The following KCTD8 variants were observed in gnomAD, a reference collection of about 807,000 sequenced individuals.
The protein encoded by KCTD8 is potassium channel tetramerization domain containing 8, also known as BTB/POZ domain-containing protein KCTD8.
A neutral mutation model predicts 31.5 loss-of-function variants in KCTD8; 27 were observed. The ratio of observed to expected loss-of-function variants is 0.86; its 90% CI spans 0.63 to 1.18. The LOEUF is 1.18. Among genes scored for constraint, KCTD8 ranks in the 50% most tolerant of loss-of-function variants. The pLI is 0.00. For missense variants in KCTD8, 658 were observed against 647.7 expected (o/e 1.02, Z -0.17); for synonymous variants, 290 against 280.0 (o/e 1.04, Z -0.36).
chr4:44,245,661 T>C (rs1042993711), intron 1 of KCTD8, among the ~76,000 whole-genome samples: 2 of 151,996 alleles, frequency 1.3e-5, no homozygotes, highest in Admixed American at 1.3e-4. Context: ...ATTAAAAGTG[T>C]AGTCTAATCA....
chr4:44,245,007 C>G (rs1250174759), intron 1 of KCTD8, among the ~76,000 whole-genome samples: 4 of 152,156 alleles, frequency 2.6e-5, no homozygotes, highest in Non-Finnish European at 5.9e-5. Flanking sequence ...CTGCACAACA[C>G]ATTTTTAAGC....
At chr4:44,206,451 A>G (rs1714309091) in intron 1 of KCTD8, among the ~76,000 whole-genome samples, 1 of 152,156 alleles carries the variant, frequency 6.6e-6, no homozygotes, top group Non-Finnish European at 1.5e-5. Context: ...GTGGCACTCA[A>G]GATGAAGCTT....
chr4:44,209,548 C>G (rs1577832095), intron 1 of KCTD8, among the ~76,000 whole-genome samples: 1 of 151,506 alleles, frequency 6.6e-6, no homozygotes, highest in South Asian at 2.1e-4. Context: ...CACACCCCCA[C>G]CCACATACAC....
At chr4:44,439,565 G>A (rs1315043181) in intron 1 of KCTD8, among the ~76,000 whole-genome samples, 1 of 152,110 alleles carries the variant, frequency 6.6e-6, no homozygotes, top group Non-Finnish European at 1.5e-5. Context: ...AGAAATATAA[G>A]TAAAACCAAT....
At chr4:44,258,580 C>T (rs1295114568) in intron 1 of KCTD8, among the ~76,000 whole-genome samples, 1 of 151,832 alleles carries the variant, frequency 6.6e-6, no homozygotes, top group Non-Finnish European at 1.5e-5. Flanking sequence ...GGTGATTCAA[C>T]TCCTTTAATG....
chr4:44,187,658 A>G (rs1713627601), intron 1 of KCTD8, among the ~76,000 whole-genome samples: 1 of 152,206 alleles, frequency 6.6e-6, no homozygotes, highest in Non-Finnish European at 1.5e-5. Flanking sequence ...ACACAAGCCT[A>G]TGCTTGCTTG....
intron 1 of KCTD8, among the ~76,000 whole-genome samples, chr4:44,398,051 T>C (rs985234664): frequency 5.5e-4 from 83 of 152,156 alleles, no homozygotes; most frequent in African/African-American, 2.0e-3. Flanking sequence ...TGATAGAGAA[T>C]TGAAATACAT....
chr4:44,214,708 C>T (rs1422252810), intron 1 of KCTD8, among the ~76,000 whole-genome samples: 1 of 152,188 alleles, frequency 6.6e-6, no homozygotes, highest in South Asian at 2.1e-4. Flanking sequence ...GCTGAACTAA[C>T]TTTGGGAGAA....
In KCTD8 at chr4:44,431,481, G is replaced by C. The variant is rs189748265; in HGVS notation, c.961+16082C>G. On this transcript the variant is annotated intron_variant, in intron 1 of 1. Transcript: ENST00000360029. ...AAACATTTTGATACCCTTCCTTGAAGAGTTTAGCCTATAATGATTACCCAG... is the reference window on the plus strand; with the variant it reads ...AAACATTTTGATACCCTTCCTTGAACAGTTTAGCCTATAATGATTACCCAG... 2.0e-5 allele frequency among the ~76,000 whole-genome samples: 3 copies of C among 151,552 alleles called. No homozygotes were observed. In the Admixed American group the frequency reaches 2.0e-4, roughly 10 times the overall value.
At chr4:44,185,882 C>G (rs1160992075) in intron 1 of KCTD8, among the ~76,000 whole-genome samples, 1 of 151,996 alleles carries the variant, frequency 6.6e-6, no homozygotes, top group African/African-American at 2.4e-5. Flanking sequence ...CACACACACA[C>G]AAACACACAC....
intron 1 of KCTD8, among the ~76,000 whole-genome samples, chr4:44,247,327 T>C (rs151132686): frequency 1.3e-5 from 2 of 152,160 alleles, no homozygotes; most frequent in African/African-American, 4.8e-5. Context: ...TAATCACTCC[T>C]AATAGTTCCA....
chr4:44,396,190 G>C (rs61406539), intron 1 of KCTD8, among the ~76,000 whole-genome samples: 5,706 of 152,052 alleles, frequency 0.038, 385 homozygotes, highest in African/African-American at 0.13. Flanking sequence ...GTTCACAATA[G>C]GGTTTGCACT....
Position 44,225,165 on chromosome 4 carries a change from C to T in KCTD8, c.962-49915G>A, listed in dbSNP as rs7697293. 6.8e-3 allele frequency among the ~76,000 whole-genome samples: 1,030 copies of T among 152,340 alleles called. 8 individuals carry two copies. Among genetic ancestry groups the T allele is most frequent in the Middle Eastern group, 0.024 (7 of 294 alleles). On this transcript the variant is annotated intron_variant, in intron 1 of 1. Transcript: ENST00000360029. ...TCCTAATCAGATAAGCTCTATCCCA[C>T]ATTCAACCTTTGTAACACTTCATTT...
At chr4:44,266,590 C>A (rs1716374957) in intron 1 of KCTD8, among the ~76,000 whole-genome samples, 2 of 151,126 alleles carry the variant, frequency 1.3e-5, no homozygotes, top group Admixed American at 1.3e-4. Context: ...TTAAAAGACA[C>A]AGACTGGCAA....
At chr4:44,334,742 A>C (rs1425380720) in intron 1 of KCTD8, among the ~76,000 whole-genome samples, 1 of 152,130 alleles carries the variant, frequency 6.6e-6, no homozygotes, top group Non-Finnish European at 1.5e-5. Context: ...GGAATAAAAC[A>C]CCAATATTAG....
chr4:44,398,770 T>G (rs1051230630), intron 1 of KCTD8, among the ~76,000 whole-genome samples: 11 of 152,268 alleles, frequency 7.2e-5, no homozygotes, highest in Middle Eastern at 3.4e-3. Flanking sequence ...TGTGAAGAGC[T>G]AGGTACGGCA....
At chr4:44,372,259 T>C (rs1719806664) in intron 1 of KCTD8, among the ~76,000 whole-genome samples, 1 of 151,968 alleles carries the variant, frequency 6.6e-6, no homozygotes, top group Admixed American at 6.6e-5. Flanking sequence ...GATGCACCAG[T>C]GAACAGTGTG....
intron 1 of KCTD8, among the ~76,000 whole-genome samples, chr4:44,259,387 T>A (rs1716097254): frequency 6.6e-6 from 1 of 151,944 alleles, no homozygotes; most frequent in African/African-American, 2.4e-5. Flanking sequence ...ACTTTGGATC[T>A]GGCAAATAGA....
chr4:44,236,906 A>C (rs1715306950), intron 1 of KCTD8, among the ~76,000 whole-genome samples: 1 of 152,162 alleles, frequency 6.6e-6, no homozygotes, highest in African/African-American at 2.4e-5. Flanking sequence ...TGATTTTATA[A>C]GGGGTTTCCC....
Sources: allele counts gnomAD v4.1 joint callset (sites outside exome capture counted in the v4.1 genomes callset), GRCh38; gene constraint gnomAD v4.1.1; transcripts MANE v1.5; gene names NCBI Gene and HGNC (gene_info 2026-07-23, HGNC 2026-07-21).